Variants in CEP57 observed in about 807,000 individuals in gnomAD.
CEP57 encodes the protein centrosomal protein 57.
CEP57 carries 40 observed loss-of-function variants against 68.0 expected under a neutral mutation model. The observed-to-expected ratio is 0.59, with a 90% CI of 0.46 to 0.77. The LOEUF (loss-of-function observed/expected upper bound fraction) is 0.77, where lower values mean the gene tolerates loss of function less well. Among genes scored for constraint, CEP57 ranks in the 30% least tolerant of loss-of-function variants. The probability of loss-of-function intolerance (pLI) is 0.00; values close to 1 mark genes in which losing one functional copy is unlikely to be tolerated. For synonymous variants in CEP57, 219 were observed against 198.7 expected (o/e 1.10, Z -0.86); for missense variants, 606 against 580.7 (o/e 1.04, Z -0.45).
intron 9 of CEP57, 83 bp downstream of exon 9, chr11:95,828,110 C>T (rs982989257): frequency 8.1e-6 from 12 of 1,489,050 alleles, no homozygotes; most frequent in African/African-American, 2.8e-5. Context: ...TTAAATCTTA[C>T]TTTCCTTTGT....
intron 2 of CEP57, among the ~76,000 whole-genome samples, chr11:95,808,513 G>A (rs1406029500): frequency 2.0e-5 from 3 of 152,084 alleles, no homozygotes; most frequent in African/African-American, 7.2e-5. Flanking sequence ...CAAAATAAAA[G>A]GATGGAGGAA....
intron 4 of CEP57, chr11:95,815,131 T>G (rs1862249032): frequency 6.6e-6 from 1 of 152,236 alleles, no homozygotes; most frequent in Non-Finnish European, 1.5e-5. Context: ...ATCAAATCCA[T>G]GGATGCAAAA....
intron 2 of CEP57, among the ~76,000 whole-genome samples, chr11:95,800,615 C>A (rs1861536493): frequency 6.6e-6 from 1 of 152,158 alleles, no homozygotes; most frequent in Non-Finnish European, 1.5e-5. Context: ...TGGTCTCAAT[C>A]TCTGGACCTC....
intron 2 of CEP57, among the ~76,000 whole-genome samples, chr11:95,809,811 A>G (rs1486841511): frequency 6.6e-6 from 1 of 152,126 alleles, no homozygotes; most frequent in Non-Finnish European, 1.5e-5. Context: ...AACAATTCCA[A>G]TCAATGGAAA....
intron 8 of CEP57, chr11:95,822,791 A>G (rs894274245): frequency 1.8e-6 from 1 of 552,890 alleles, no homozygotes; most frequent in Non-Finnish European, 3.3e-6. Flanking sequence ...GATAAAGTAT[A>G]TGTGGAAAGG....
intron 1 of CEP57, among the ~76,000 whole-genome samples, chr11:95,798,919 G>A (rs1052175043): frequency 1.3e-5 from 2 of 152,032 alleles, no homozygotes; most frequent in Non-Finnish European, 2.9e-5. Flanking sequence ...TTTTCTGAAC[G>A]TATATTTCAC....
chr11:95,813,376 T>C, intron 3 of CEP57, 92 bp from the exon 4 acceptor site: 1 of 1,479,056 alleles, frequency 6.8e-7, no homozygotes, highest in South Asian at 1.2e-5. Context: ...GTGTTTTTAT[T>C]GTATACACAA....
At chr11:95,822,067 C>A in intron 7 of CEP57, 89 bp downstream of exon 7, 1 of 849,566 alleles carries the variant, frequency 1.2e-6, no homozygotes, top group Non-Finnish European at 2.0e-6. Context: ...TGTACTACAA[C>A]CTTGAGAGAG....
At chr11:95,794,522 C>G (rs1015926701) in intron 1 of CEP57, among the ~76,000 whole-genome samples, 1 of 151,930 alleles carries the variant, frequency 6.6e-6, no homozygotes, top group Non-Finnish European at 1.5e-5. Context: ...ATTTGTGCAC[C>G]TCTTATCATT....
intron 8 of CEP57, among the ~76,000 whole-genome samples, chr11:95,823,698 T>C (rs1322393348): frequency 6.6e-6 from 1 of 152,194 alleles, no homozygotes; most frequent in African/African-American, 2.4e-5. Flanking sequence ...GTACGACTGA[T>C]AATTTTGTAG....
chr11:95,806,905 C>T (rs1622088), intron 2 of CEP57, among the ~76,000 whole-genome samples: 8,443 of 152,256 alleles, frequency 0.055, 739 homozygotes, highest in African/African-American at 0.19. Flanking sequence ...GATCTGAGAA[C>T]GGACAGACTG....
At chr11:95,819,115 T>C (rs1862420327) in intron 6 of CEP57, among the ~76,000 whole-genome samples, 1 of 152,208 alleles carries the variant, frequency 6.6e-6, no homozygotes, top group Non-Finnish European at 1.5e-5. Flanking sequence ...TTTGTAATTG[T>C]AGAGTTTCAA....
chr11:95,829,446 C>G (rs750223742), intron 10 of CEP57, 115 bp downstream of exon 10: 1 of 1,078,400 alleles, frequency 9.3e-7, no homozygotes, highest in Non-Finnish European at 1.4e-6. Context: ...ACAGGAGATA[C>G]TTCTTTACTG....
At chr11:95,791,241 A>T (rs559588621) in intron 1 of CEP57, among the ~76,000 whole-genome samples, 62 of 152,020 alleles carry the variant, frequency 4.1e-4, no homozygotes, top group Non-Finnish European at 8.1e-4. Flanking sequence ...CATCCACATT[A>T]ACTTCGTTGT....
In CEP57 at chr11:95,827,825, C is replaced by T. The variant is rs548800686; in HGVS notation, c.925C>T (p.Leu309Phe). Residue 309 changes from leucine (L) to phenylalanine (F), a missense_variant, in exon 9 of 11, where the codon CTT (leucine) becomes TTT (phenylalanine). Coordinates refer to ENST00000325542, the MANE Select transcript of CEP57 (RefSeq NM_014679.5). ...CCATGCCGTGGTAGCCAATGTTCAG[C>T]TTGTCTTGCATCTAATGAAGCAACA... Reference protein sequence around the residue: ...PSHAVVANVQLVLHLMKQHSK... With the variant: ...PSHAVVANVQFVLHLMKQHSK... 3.1e-4 allele frequency: 493 copies of T among 1,614,116 alleles called. 7 individuals carry two copies. The South Asian group carries it at 5.1e-3, about 17-fold the overall frequency.
Position 95,813,033 on chromosome 11 carries a change from A to G in CEP57, c.304A>G (p.Ile102Val), listed in dbSNP as rs760541284. 27 of 1,613,972 alleles carry G rather than the reference A, an allele frequency of 1.7e-5. 1 individual carries two copies. In the Middle Eastern group the frequency reaches 5.0e-4, roughly 30 times the overall value. Reference sequence around the variant, plus strand: ...TGTGAAAACCTTGTCTAGAGAAACAATTGAATATAAGAAAGTACTGGATGA... The same window carrying G: ...TGTGAAAACCTTGTCTAGAGAAACAGTTGAATATAAGAAAGTACTGGATGA... ...ESVKTLSRET[I>V]EYKKVLDEQI... Residue 102 changes from isoleucine (I) to valine (V), a missense_variant, in exon 3 of 11, where the codon ATT (isoleucine) becomes GTT (valine). Transcript: ENST00000325542.
chr11:95,791,200 T>C (rs1321805903), intron 1 of CEP57, among the ~76,000 whole-genome samples: 1 of 152,208 alleles, frequency 6.6e-6, no homozygotes, highest in East Asian at 1.9e-4. Flanking sequence ...TTGCTTATGC[T>C]GTTTCCTATC....
At chr11:95,814,401 C>T (rs1334483742) in intron 4 of CEP57, among the ~76,000 whole-genome samples, 1 of 138,846 alleles carries the variant, frequency 7.2e-6, no homozygotes, top group Non-Finnish European at 1.5e-5. Context: ...CCTTTTATTG[C>T]CCAGGCTGGA....
chr11:95,806,511 A>C (rs929890503), intron 2 of CEP57, among the ~76,000 whole-genome samples: 13 of 152,142 alleles, frequency 8.5e-5, no homozygotes, highest in African/African-American at 3.1e-4. Flanking sequence ...GAAAATCAGG[A>C]CACTCCCACC....
Sources: gnomAD v4.1 joint callset for allele counts (sites outside exome capture counted in the v4.1 genomes callset) on GRCh38, gnomAD v4.1.1 for gene constraint, MANE v1.5 for transcripts, NCBI Gene and HGNC (gene_info 2026-07-23, HGNC 2026-07-21) for gene names.